The following NFATC3 variants were observed in gnomAD, a reference collection of about 807,000 sequenced individuals.
The protein encoded by NFATC3 is nuclear factor of activated T cells 3.
NFATC3 carries 46 observed loss-of-function variants against 98.6 expected under a neutral mutation model. The observed-to-expected ratio is 0.47, with a 90% CI of 0.37 to 0.60. The LOEUF (loss-of-function observed/expected upper bound fraction) is 0.60, where lower values mean the gene tolerates loss of function less well. Among genes scored for constraint, NFATC3 ranks in the 20% least tolerant of loss-of-function variants. The probability of loss-of-function intolerance (pLI) is 0.00; values close to 1 mark genes in which losing one functional copy is unlikely to be tolerated. For missense variants in NFATC3, 1,256 were observed against 1,295.5 expected (o/e 0.97, Z 0.47); for synonymous variants, 512 against 472.2 (o/e 1.08, Z -1.09).
intron 9 of NFATC3, among the ~76,000 whole-genome samples, chr16:68,219,958 C>T (rs2041796039): frequency 6.6e-6 from 1 of 152,206 alleles, no homozygotes; most frequent in Non-Finnish European, 1.5e-5. Context: ...TCAAGCACCT[C>T]ATTCTTGTGT....
At chr16:68,127,123 G>T (rs1377397536) in intron 3 of NFATC3, among the ~76,000 whole-genome samples, 1 of 152,140 alleles carries the variant, frequency 6.6e-6, no homozygotes, top group Admixed American at 6.5e-5. Flanking sequence ...TGAGGCAGGA[G>T]AATTGCTTGA....
At chr16:68,117,955 A>G (rs2036375652) in intron 1 of NFATC3, among the ~76,000 whole-genome samples, 2 of 152,268 alleles carry the variant, frequency 1.3e-5, no homozygotes, top group Middle Eastern at 3.4e-3. Flanking sequence ...AAACTCTTAC[A>G]TGGTTTCCAT....
In NFATC3 at chr16:68,226,486, G is replaced by T; in HGVS notation, c.*15G>T. The T allele has an allele frequency of 6.8e-7, 1 of 1,481,218 alleles. No homozygotes were observed. Among genetic ancestry groups the T allele is most frequent in the Non-Finnish European group, 8.9e-7 (1 of 1,120,998 alleles). The allele number at this position is 1,481,218 out of a possible 1,614,324, so 91.8% of individuals were successfully genotyped here. A position where few individuals can be genotyped will look rare whatever the true frequency, so the allele number is the denominator to read the frequency against. The stretch of plus-strand genomic sequence containing the variant: ...ATGGGCTCTAACAGTGCTTACTGCA[G>T]CCTTGTGTCCACCACCAACTTCTCA... On this transcript the variant is annotated 3_prime_UTR_variant, in exon 10 of 10. Coordinates refer to ENST00000346183, the MANE Select transcript of NFATC3 (RefSeq NM_173165.3).
intron 9 of NFATC3, chr16:68,221,602 T>C: frequency 9.3e-7 from 1 of 1,073,316 alleles, no homozygotes; most frequent in Non-Finnish European, 1.1e-6. Flanking sequence ...TCTGCCCCGT[T>C]GGAACTTAAA....
chr16:68,091,191 G>A (rs929688435), intron 1 of NFATC3, among the ~76,000 whole-genome samples: 4 of 152,164 alleles, frequency 2.6e-5, no homozygotes, highest in African/African-American at 4.8e-5. Context: ...TACTGTAGTA[G>A]TTTTATTAGG....
chr16:68,221,320 A>G (rs1351459906), intron 9 of NFATC3: 1 of 1,610,454 alleles, frequency 6.2e-7, no homozygotes, highest in Admixed American at 1.7e-5. Context: ...AGCCCGAGGG[A>G]GAAGTGAGGG....
At chr16:68,085,861 C>T (rs1040388358) in intron 1 of NFATC3, 77 bp downstream of exon 1, 21 of 1,132,178 alleles carry the variant, frequency 1.9e-5, no homozygotes, top group South Asian at 5.4e-5. Flanking sequence ...TCCCTGTTCC[C>T]TTGGATGACC....
Position 68,122,747 on chromosome 16 carries a change from A to G in NFATC3, c.864A>G (p.Ser288=). 6.2e-7 allele frequency: 1 copy of G among 1,613,872 alleles called. No homozygotes were observed. Among genetic ancestry groups the G allele is most frequent in the East Asian group, 2.2e-5 (1 of 44,862 alleles). ...SAEVCYAGSL[S]PHHSPVPSPG... ...AAGTTTGTTATGCTGGGTCCCTTTC[A>G]CCCCATCACTCACCTGTTCCTTCAC... is the stretch of plus-strand genomic sequence containing the variant. The change falls in exon 2 of 10, where the codon TCA becomes TCG. Residue 288 remains serine (S), a synonymous_variant. Transcript: ENST00000346183.
At chr16:68,093,319 TAG>T (rs3042965) in intron 1 of NFATC3, among the ~76,000 whole-genome samples, 18,050 of 152,172 alleles carry the variant, frequency 0.12, 1,203 homozygotes, top group South Asian at 0.19. Context: ...CTAAAAAGCA[TAG>T]AGTTTCAAGC....
At chr16:68,159,624 C>T (rs955673032) in intron 4 of NFATC3, among the ~76,000 whole-genome samples, 24 of 151,200 alleles carry the variant, frequency 1.6e-4, no homozygotes, top group Admixed American at 9.9e-4. Flanking sequence ...GGGGTTTCAC[C>T]GTGTTAGCCA....
At chr16:68,173,620 G>GTC (rs1401094894) in intron 5 of NFATC3, among the ~76,000 whole-genome samples, 1 of 152,132 alleles carries the variant, frequency 6.6e-6, no homozygotes, top group Admixed American at 6.6e-5. Flanking sequence ...CTTGGTGTTT[G>GTC]TCTAGTAGTA....
chr16:68,167,807 G>GTTTTTTTTTTTTTTTTTTTTTT (rs1263970399), intron 5 of NFATC3, among the ~76,000 whole-genome samples: 3 of 23,588 alleles, frequency 1.3e-4, no homozygotes, highest in Non-Finnish European at 3.1e-4. Context: ...AACCGTATGT[G>GTTTTTTTTTTTTTTTTTTTTTT]TTCTTTTTTT....
chr16:68,161,504 G>A (rs773244033), intron 4 of NFATC3, among the ~76,000 whole-genome samples: 4 of 152,106 alleles, frequency 2.6e-5, no homozygotes, highest in Non-Finnish European at 4.4e-5. Flanking sequence ...TATTGCATGC[G>A]TGTGTGCATG....
chr16:68,121,089 G>T (rs2036547485), intron 1 of NFATC3, among the ~76,000 whole-genome samples: 1 of 148,004 alleles, frequency 6.8e-6, no homozygotes, highest in African/African-American at 2.6e-5. Context: ...TTGTAAATGG[G>T]CCAAAAAAAA....
intron 3 of NFATC3, among the ~76,000 whole-genome samples, chr16:68,147,643 A>G (rs1399583200): frequency 6.6e-6 from 1 of 151,950 alleles, no homozygotes; most frequent in East Asian, 1.9e-4. Flanking sequence ...TGTTAAATTT[A>G]TGATTAAACA....
chr16:68,170,388 A>G (rs1437409567), intron 5 of NFATC3, among the ~76,000 whole-genome samples: 6 of 147,288 alleles, frequency 4.1e-5, no homozygotes, highest in Non-Finnish European at 6.0e-5. Context: ...TTCTGTCTCA[A>G]AAAAAAAAAA....
intron 9 of NFATC3, among the ~76,000 whole-genome samples, chr16:68,215,722 CTTTT>C (rs35024337): frequency 4.2e-5 from 4 of 96,038 alleles, no homozygotes; most frequent in South Asian, 7.0e-4. Context: ...GAGATTTGCA[CTTTT>C]TTTTTTTTTT....
At chr16:68,086,776 G>A in intron 1 of NFATC3, 1 of 985,410 alleles carries the variant, frequency 1.0e-6, no homozygotes, top group Non-Finnish European at 1.2e-6. Flanking sequence ...ACCTGAACGT[G>A]AGGCATGAGG....
At chr16:68,220,743 TA>T (rs58091032) in intron 9 of NFATC3, among the ~76,000 whole-genome samples, 53 of 114,888 alleles carry the variant, frequency 4.6e-4, no homozygotes, top group South Asian at 1.1e-3. Context: ...CCGTCTCTAC[TA>T]AAAAAAAAAA....
Sources: allele counts gnomAD v4.1 joint callset (sites outside exome capture counted in the v4.1 genomes callset), GRCh38; gene constraint gnomAD v4.1.1; transcripts MANE v1.5; gene names NCBI Gene and HGNC (gene_info 2026-07-23, HGNC 2026-07-21).